Variants in MYO16 observed in about 807,000 individuals in gnomAD.
The protein encoded by MYO16 is unconventional myosin-XVI.
A neutral mutation model predicts 205.3 loss-of-function variants in MYO16; 94 were observed. The ratio of observed to expected loss-of-function variants is 0.46; its 90% confidence interval spans 0.39 to 0.54. The LOEUF (loss-of-function observed/expected upper bound fraction) is 0.54. MYO16 is among the 20% of genes least tolerant of loss of function. MYO16 has a pLI of 0.00. For missense variants in MYO16, 2,315 were observed against 2,387.5 expected (o/e 0.97, Z 0.63); for synonymous variants, 988 against 954.0 (o/e 1.04, Z -0.66).
intron 2 of MYO16, among the ~76,000 whole-genome samples, chr13:108,703,156 C>T (rs1178057436): frequency 1.3e-5 from 2 of 151,996 alleles, no homozygotes; most frequent in African/African-American, 2.4e-5. Flanking sequence ...AAAAGTCATC[C>T]AGCTATATTT....
rs547708810 is a variant in MYO16, at chr13:109,180,945, G to A, written c.5415+1312G>A. Among the ~76,000 whole-genome samples the A allele has an allele frequency of 5.9e-5, 9 of 152,252 alleles. No individual in the cohort carries two copies. The South Asian group carries it at 1.2e-3, about 21-fold the overall frequency. The stretch of plus-strand genomic sequence containing the variant: ...TGACTCCTGTACATTACAACACAAC[G>A]CTGGGCCATCTGACATCCTTTCCAG... On this transcript the variant is annotated intron_variant, in intron 34 of 34. Transcript: ENST00000457511.
At chr13:108,957,360 ATGACAAGAG>A (rs1386261221) in intron 16 of MYO16, among the ~76,000 whole-genome samples, 4 of 138,532 alleles carry the variant, frequency 2.9e-5, no homozygotes, top group Non-Finnish European at 6.2e-5. Context: ...TCCAGCCTGG[ATGACAAGAG>A]TGAAACTCCA....
the MYO16 span, among the ~76,000 whole-genome samples, chr13:108,543,644 G>GAAA: frequency 5.2e-5 from 4 of 77,490 alleles, no homozygotes; most frequent in Non-Finnish European, 1.1e-4. Context: ...TCCCTCTCAA[G>GAAA]AAAAAAAAAA....
At chr13:108,963,025 T>C (rs1016089283) in intron 19 of MYO16, among the ~76,000 whole-genome samples, 2 of 152,238 alleles carry the variant, frequency 1.3e-5, no homozygotes, top group African/African-American at 4.8e-5. Flanking sequence ...CTCAAATCAC[T>C]AGTAAGTGAC....
chr13:108,548,357 A>G, the MYO16 span, among the ~76,000 whole-genome samples: 1 of 150,984 alleles, frequency 6.6e-6, no homozygotes, highest in African/African-American at 2.4e-5. Context: ...GACGCTGACG[A>G]TGATGATGGT....
chr13:108,588,849 A>T, the MYO16 span, among the ~76,000 whole-genome samples: 6 of 152,164 alleles, frequency 3.9e-5, no homozygotes, highest in South Asian at 1.2e-3. Flanking sequence ...ATGGGCAGGT[A>T]ACCTGAGAGA....
intron 27 of MYO16, among the ~76,000 whole-genome samples, chr13:109,057,281 G>A (rs1302158457): frequency 6.6e-6 from 1 of 152,118 alleles, no homozygotes; most frequent in Admixed American, 6.6e-5. Flanking sequence ...TTTTAAAGGG[G>A]TAGTAGAATA....
chr13:109,171,801 C>T (rs1015320037), intron 33 of MYO16, among the ~76,000 whole-genome samples: 6 of 152,186 alleles, frequency 3.9e-5, no homozygotes, highest in Non-Finnish European at 7.3e-5. Flanking sequence ...TCAGTGAATA[C>T]ACATAATATG....
intron 1 of MYO16, among the ~76,000 whole-genome samples, chr13:108,605,543 C>A (rs1878923146): frequency 6.6e-6 from 1 of 152,108 alleles, no homozygotes; most frequent in Non-Finnish European, 1.5e-5. Context: ...TCTCATGAGA[C>A]TGATGGTTTT....
chr13:108,635,055 T>C (rs1472357936), intron 1 of MYO16, among the ~76,000 whole-genome samples: 4 of 152,248 alleles, frequency 2.6e-5, no homozygotes, highest in Non-Finnish European at 4.4e-5. Flanking sequence ...CTCTTCTTTT[T>C]TGACAGGCAT....
chr13:109,151,564 A>G (rs1449051832), intron 32 of MYO16, among the ~76,000 whole-genome samples: 4 of 152,176 alleles, frequency 2.6e-5, no homozygotes, highest in Admixed American at 6.5e-5. Flanking sequence ...TAAAAGCCCA[A>G]AAAGAGCTTC....
chr13:108,749,910 T>C (rs1379246847), intron 4 of MYO16, among the ~76,000 whole-genome samples: 1 of 152,182 alleles, frequency 6.6e-6, no homozygotes, highest in East Asian at 1.9e-4. Context: ...ATACACAAAC[T>C]GTGGATCATC....
chr13:108,809,344 T>G (rs944740395), intron 7 of MYO16, among the ~76,000 whole-genome samples: 2 of 152,192 alleles, frequency 1.3e-5, no homozygotes, highest in African/African-American at 4.8e-5. Flanking sequence ...GGGATTGCAT[T>G]AGGCAGTTTT....
At chr13:108,970,073 G>A (rs76262668) in intron 20 of MYO16, among the ~76,000 whole-genome samples, 2,419 of 152,264 alleles carry the variant, frequency 0.016, 54 homozygotes, top group African/African-American at 0.055. Flanking sequence ...ATAGCTGGGG[G>A]AACACGTTAA....
chr13:109,196,617 A>G (rs1037836167), intron 34 of MYO16, among the ~76,000 whole-genome samples: 3 of 152,184 alleles, frequency 2.0e-5, no homozygotes, highest in Admixed American at 6.5e-5. Flanking sequence ...AACCCAGGCC[A>G]CATTTTAGGT....
At chr13:108,846,159 T>C (rs1324003885) in intron 10 of MYO16, among the ~76,000 whole-genome samples, 1 of 152,230 alleles carries the variant, frequency 6.6e-6, no homozygotes, top group Non-Finnish European at 1.5e-5. Context: ...AAAATGACTA[T>C]TAATTAACTA....
chr13:109,022,106 C>A (rs1886044111), intron 23 of MYO16, among the ~76,000 whole-genome samples: 2 of 142,452 alleles, frequency 1.4e-5, no homozygotes, highest in Non-Finnish European at 1.5e-5. Flanking sequence ...ACATATAAAA[C>A]ATATTTATAT....
the MYO16 span, among the ~76,000 whole-genome samples, chr13:108,545,895 T>C: frequency 6.6e-6 from 1 of 152,188 alleles, no homozygotes; most frequent in Non-Finnish European, 1.5e-5. Context: ...TTTAGTGAAA[T>C]GGAGATACCT....
intron 20 of MYO16, among the ~76,000 whole-genome samples, chr13:108,973,957 C>A (rs1884155003): frequency 6.6e-6 from 1 of 151,818 alleles, no homozygotes; most frequent in Non-Finnish European, 1.5e-5. Context: ...AAAAAAAACT[C>A]CCAGTGGCAT....
Sources: allele counts gnomAD v4.1 joint callset (sites outside exome capture counted in the v4.1 genomes callset), GRCh38; gene constraint gnomAD v4.1.1; transcripts MANE v1.5; gene names NCBI Gene and HGNC (gene_info 2026-07-23, HGNC 2026-07-21).